Variants in SPAG16 observed in about 807,000 individuals in gnomAD.
SPAG16 encodes sperm-associated antigen 16 protein.
Under a neutral mutation model 80.4 loss-of-function variants are expected in SPAG16, and 86 were observed. The ratio of observed to expected loss-of-function variants is 1.07; its 90% CI spans 0.90 to 1.28. The LOEUF (loss-of-function observed/expected upper bound fraction) is 1.28. Among genes scored for constraint, SPAG16 ranks in the 50% most tolerant of loss-of-function variants. The pLI is 0.00. For synonymous variants in SPAG16, 294 were observed against 265.9 expected (o/e 1.11, Z -1.03); for missense variants, 870 against 765.3 (o/e 1.14, Z -1.61).
chr2:214,356,774 T>TTCTA (rs1421750069), intron 15 of SPAG16, among the ~76,000 whole-genome samples: 3 of 152,104 alleles, frequency 2.0e-5, no homozygotes, highest in South Asian at 4.1e-4. Context: ...GATATTTTAG[T>TTCTA]TCTATCTTAT....
chr2:213,386,085 A>G lies in SPAG16; in HGVS notation c.942+10966A>G, dbSNP rs2067414957. Among the ~76,000 whole-genome samples, 3 of 152,294 alleles carry G rather than the reference A, an allele frequency of 2.0e-5. No individual in the cohort carries two copies. The South Asian group carries it at 6.2e-4, about 32-fold the overall frequency. The stretch of plus-strand genomic sequence containing the variant: ...AAACATTAATTTCTTCATCTTTGAA[A>G]TGTCTTCTAATAGTATCTACATTTT... On this transcript the variant is annotated intron_variant, in intron 9 of 15. Transcript: ENST00000331683.
intron 15 of SPAG16, among the ~76,000 whole-genome samples, chr2:214,174,190 C>T (rs2056987801): frequency 6.6e-6 from 1 of 152,032 alleles, no homozygotes; most frequent in African/African-American, 2.4e-5. Context: ...TGCCCTCTCT[C>T]ACTACTCCTA....
intron 13 of SPAG16, among the ~76,000 whole-genome samples, chr2:214,029,159 G>A (rs1435691422): frequency 6.6e-6 from 1 of 152,046 alleles, no homozygotes. Flanking sequence ...AAGGTTTGGT[G>A]GGGAGCCTTC....
At chr2:213,535,755 T>C (rs1331782847) in intron 10 of SPAG16, among the ~76,000 whole-genome samples, 1 of 152,160 alleles carries the variant, frequency 6.6e-6, no homozygotes, top group Non-Finnish European at 1.5e-5. Context: ...AAATGTTCTT[T>C]AGCAATTAAG....
chr2:214,220,897 T>C (rs2058549136), intron 15 of SPAG16, among the ~76,000 whole-genome samples: 1 of 152,164 alleles, frequency 6.6e-6, no homozygotes, highest in South Asian at 2.1e-4. Flanking sequence ...ACATTCTTTT[T>C]CCATATGGTT....
intron 10 of SPAG16, among the ~76,000 whole-genome samples, chr2:213,674,402 CT>C (rs138567836): frequency 0.047 from 6,971 of 149,344 alleles, 530 homozygotes; most frequent in African/African-American, 0.16. Context: ...TATTATTATA[CT>C]TTTAAGTTTT....
chr2:214,391,609 A>C (rs1289278835), intron 15 of SPAG16, among the ~76,000 whole-genome samples: 1 of 152,186 alleles, frequency 6.6e-6, no homozygotes, highest in African/African-American at 2.4e-5. Context: ...CAACAGAGGG[A>C]AAGAAATGTC....
At chr2:214,236,130 A>G (rs1176417081) in intron 15 of SPAG16, among the ~76,000 whole-genome samples, 5 of 152,206 alleles carry the variant, frequency 3.3e-5, no homozygotes, top group Non-Finnish European at 7.3e-5. Flanking sequence ...TTGTGTAAAT[A>G]GCTCCCATCT....
intron 15 of SPAG16, among the ~76,000 whole-genome samples, chr2:214,371,040 G>A (rs1226882296): frequency 6.6e-6 from 1 of 152,128 alleles, no homozygotes; most frequent in Non-Finnish European, 1.5e-5. Flanking sequence ...GTCCTGGAGG[G>A]ATTTTCACTT....
At chr2:213,617,330 C>T (rs1360237041) in intron 10 of SPAG16, among the ~76,000 whole-genome samples, 2 of 151,972 alleles carry the variant, frequency 1.3e-5, no homozygotes, top group Non-Finnish European at 2.9e-5. Flanking sequence ...TTTGGGAGGC[C>T]GAAGTGGAGA....
At chr2:214,329,726 C>T (rs1696760754) in intron 15 of SPAG16, among the ~76,000 whole-genome samples, 1 of 152,110 alleles carries the variant, frequency 6.6e-6, no homozygotes, top group East Asian at 1.9e-4. Flanking sequence ...TGTTGAAGCC[C>T]TACCTTCAGG....
intron 8 of SPAG16, among the ~76,000 whole-genome samples, chr2:213,369,246 G>T (rs528851337): frequency 6.6e-6 from 1 of 152,190 alleles, no homozygotes; most frequent in East Asian, 1.9e-4. Context: ...AAGTATATTT[G>T]CCAGAAGGAA....
chr2:213,538,769 A>C (rs2076332736), intron 10 of SPAG16, among the ~76,000 whole-genome samples: 1 of 152,200 alleles, frequency 6.6e-6, no homozygotes, highest in Non-Finnish European at 1.5e-5. Context: ...TCACAGGGTT[A>C]GGATTATTTT....
intron 15 of SPAG16, among the ~76,000 whole-genome samples, chr2:214,285,822 TAAATAATAATG>T (rs932492061): frequency 5.9e-5 from 9 of 152,090 alleles, no homozygotes; most frequent in African/African-American, 1.7e-4. Flanking sequence ...TAATAATAAA[TAAATAATAATG>T]AAAAAACTGC....
intron 7 of SPAG16, among the ~76,000 whole-genome samples, chr2:213,352,702 C>A (rs2065400622): frequency 6.6e-6 from 1 of 152,130 alleles, no homozygotes; most frequent in Non-Finnish European, 1.5e-5. Context: ...GATATGTGTA[C>A]AAGATTAAAA....
intron 12 of SPAG16, among the ~76,000 whole-genome samples, chr2:213,942,242 A>G (rs1003298266): frequency 6.6e-5 from 10 of 152,328 alleles, no homozygotes; most frequent in African/African-American, 2.2e-4. Flanking sequence ...GAAAAAAATC[A>G]GAATCAGGCT....
chr2:214,281,094 C>T lies in SPAG16; in HGVS notation c.1721-129046C>T, dbSNP rs1375852459. On this transcript the variant is annotated intron_variant, in intron 15 of 15. Coordinates refer to ENST00000331683, the MANE Select transcript of SPAG16 (RefSeq NM_024532.5). Reference sequence around the variant, plus strand: ...CAAGGCCTTCATCTCCAGTCACCTCCACTTGGCCTTCATAGATCTTGTCCA... The same window carrying T: ...CAAGGCCTTCATCTCCAGTCACCTCTACTTGGCCTTCATAGATCTTGTCCA... 3 of 389,150 alleles carry T rather than the reference C, an allele frequency of 7.7e-6. No individual in the cohort carries two copies. In the East Asian group the frequency reaches 1.9e-4, roughly 24 times the overall value. The allele number at this position is 389,150 out of a possible 1,614,324, so 24.1% of individuals were successfully genotyped here.
intron 9 of SPAG16, among the ~76,000 whole-genome samples, chr2:213,479,398 T>C (rs925287689): frequency 1.4e-4 from 22 of 152,138 alleles, no homozygotes; most frequent in African/African-American, 5.3e-4. Context: ...CTTGTATATG[T>C]TTATTATTTA....
chr2:213,842,129 AT>A (rs1351884790), intron 10 of SPAG16, among the ~76,000 whole-genome samples: 5 of 152,158 alleles, frequency 3.3e-5, no homozygotes, highest in African/African-American at 7.2e-5. Flanking sequence ...TGTATTTTGA[AT>A]TTTTTTTCCA....
Sources: allele counts gnomAD v4.1 joint callset (sites outside exome capture counted in the v4.1 genomes callset), GRCh38; gene constraint gnomAD v4.1.1; transcripts MANE v1.5; gene names NCBI Gene and HGNC (gene_info 2026-07-23, HGNC 2026-07-21).